UGT1A9: variants seen among roughly 807,000 people sequenced by gnomAD.
UGT1A9 encodes the protein UDP-glucuronosyltransferase 1A9.
A neutral mutation model predicts 45.0 loss-of-function variants in UGT1A9; 35 were observed. That is an observed-to-expected ratio of 0.78 (90% CI 0.59 to 1.03). The LOEUF (loss-of-function observed/expected upper bound fraction) is 1.03. UGT1A9 is among the 50% of genes least tolerant of loss of function. The pLI is 0.00. For missense variants in UGT1A9, 687 were observed against 666.6 expected, an observed-to-expected ratio of 1.03 and a Z score of -0.34; for synonymous variants, 278 against 250.6, an observed-to-expected ratio of 1.11 and a Z score of -1.03.
Position 233,763,798 on chromosome 2 carries a change from A to G in UGT1A9, c.856-3236A>G, listed in dbSNP as rs551390932. ...GAACAACATTGGGAGAAAAGGAATG[A>G]AACTCAAGAATTCCAAGATGTTCCT... On this transcript the variant is annotated intron_variant, in intron 1 of 4. Coordinates refer to ENST00000354728, the MANE Select transcript of UGT1A9 (RefSeq NM_021027.3). Among the ~76,000 whole-genome samples, 8 of 152,368 alleles carry G rather than the reference A, an allele frequency of 5.3e-5. No individual in the cohort carries two copies. The South Asian group carries it at 1.0e-3, about 20-fold the overall frequency.
chr2:233,758,735 C>T (rs1420217475), intron 1 of UGT1A9, among the ~76,000 whole-genome samples: 1 of 152,162 alleles, frequency 6.6e-6, no homozygotes, highest in Admixed American at 6.5e-5. Context: ...AGCACATCCC[C>T]AAGTATGGCT....
At position 233,719,232 on chromosome 2, in the gene UGT1A9, A is replaced by G. The variant is rs1490347566; in HGVS notation, c.855+46443A>G. 6 of 1,614,104 alleles carry G rather than the reference A, an allele frequency of 3.7e-6. No individual in the cohort carries two copies. In the African/African-American group the frequency reaches 8.0e-5, roughly 22 times the overall value. On this transcript the variant is annotated intron_variant, in intron 1 of 4. Coordinates refer to ENST00000354728, the MANE Select transcript of UGT1A9 (RefSeq NM_021027.3). The stretch of plus-strand genomic sequence containing the variant: ...GGAGCTACTGCATAATGAGGCCCTG[A>G]TCAGGCACCTGAATGCTACTTCCTT...
At chr2:233,738,159 T>C (rs1033238809) in intron 1 of UGT1A9, among the ~76,000 whole-genome samples, 2 of 152,228 alleles carry the variant, frequency 1.3e-5, no homozygotes, top group African/African-American at 4.8e-5. Context: ...GCTATTCCTC[T>C]TTCTCTCTTT....
chr2:233,754,833 T>C (rs1695605452), intron 1 of UGT1A9: 1 of 1,343,184 alleles, frequency 7.4e-7, no homozygotes, highest in African/African-American at 1.5e-5. Context: ...AGCTGGAAAT[T>C]CACTGAAGGC....
At chr2:233,753,341 CCTG>C (rs138147580) in intron 1 of UGT1A9, 5,646 of 152,328 alleles carry the variant, frequency 0.037, 136 homozygotes, top group Non-Finnish European at 0.057. Context: ...CTGCCATTTT[CCTG>C]CTGTTTATTA....
At chr2:233,749,384 C>T (rs1010265911) in intron 1 of UGT1A9, among the ~76,000 whole-genome samples, 1 of 151,836 alleles carries the variant, frequency 6.6e-6, no homozygotes, top group Non-Finnish European at 1.5e-5. Flanking sequence ...TCCAGTTTTT[C>T]AATGTGAACA....
chr2:233,699,808 C>A (rs2075525104), intron 1 of UGT1A9, among the ~76,000 whole-genome samples: 1 of 152,210 alleles, frequency 6.6e-6, no homozygotes, highest in Admixed American at 6.5e-5. Flanking sequence ...CTGGAGTCAT[C>A]TAAATAGTAG....
In UGT1A9 at chr2:233,768,259, C is replaced by T. The variant is rs72551353; in HGVS notation, c.1115C>T (p.Ser372Phe). ...MTRAFITHAGSHGVYESICNG... is the reference protein window; with the variant it reads ...MTRAFITHAGFHGVYESICNG... ...CGTGCCTTTATCACCCATGCTGGTT[C>T]CCATGGTGTTTATGAAAGCATATGC... Residue 372 changes from serine (S) to phenylalanine (F), a missense_variant, in exon 4 of 5, where the codon TCC becomes TTC. Ser to Phe is a radical substitution (Grantham distance 155). Coordinates refer to ENST00000354728, the MANE Select transcript of UGT1A9 (RefSeq NM_021027.3). The T allele has an allele frequency of 1.8e-5, 29 of 1,614,010 alleles. No homozygotes were observed. The highest frequency in any genetic ancestry group is 2.4e-5 in the Non-Finnish European group (28 of 1,180,040).
chr2:233,729,414 C>T (rs1422584359), intron 1 of UGT1A9: 3 of 1,613,716 alleles, frequency 1.9e-6, no homozygotes, highest in Non-Finnish European at 2.5e-6. Context: ...TGCTGGGCCA[C>T]ACTCAACTGT....
At chr2:233,719,108 C>T (rs2076726952) in intron 1 of UGT1A9, 1 of 1,614,264 alleles carries the variant, frequency 6.2e-7, no homozygotes, top group Non-Finnish European at 8.5e-7. Flanking sequence ...CGCTGGGCTA[C>T]ACTCAAGGGT....
chr2:233,770,134 A>T (rs1182793290), intron 4 of UGT1A9: 14 of 152,284 alleles, frequency 9.2e-5, no homozygotes, highest in African/African-American at 3.4e-4. Flanking sequence ...AAAGTCCTCT[A>T]ATACATTATT....
chr2:233,769,449 G>A lies in UGT1A9; in HGVS notation c.1295+1010G>A, dbSNP rs538754639. ...GCTGTGCTCATGTGTGGGTGCACAC[G>A]TGTGCATTCATATGCGTGTGTGTGT... On this transcript the variant is annotated intron_variant, in intron 4 of 4. Coordinates refer to ENST00000354728, the MANE Select transcript of UGT1A9 (RefSeq NM_021027.3). The surrounding 1 kb of genome is among the most constrained non-coding windows in gnomAD (Gnocchi z 4.4). The A allele has an allele frequency of 8.2e-5, 130 of 1,580,920 alleles. 1 individual carries two copies. The highest frequency in any genetic ancestry group is 7.2e-4 in the African/African-American group (54 of 74,488).
intron 1 of UGT1A9, among the ~76,000 whole-genome samples, chr2:233,684,791 C>G (rs2125530049): frequency 6.6e-6 from 1 of 152,178 alleles, no homozygotes; most frequent in South Asian, 2.1e-4. Context: ...GCAAAGAGCC[C>G]TGGATATGGC....
At chr2:233,690,707 C>A (rs2075004016) in intron 1 of UGT1A9, 1 of 1,225,352 alleles carries the variant, frequency 8.2e-7, no homozygotes, top group African/African-American at 1.6e-5. Context: ...TAGGGATCGT[C>A]ATTATGACGA....
At chr2:233,702,198 G>A (rs190961458) in intron 1 of UGT1A9, among the ~76,000 whole-genome samples, 2 of 152,258 alleles carry the variant, frequency 1.3e-5, no homozygotes, top group Non-Finnish European at 1.5e-5. Flanking sequence ...GCCCCTGGCA[G>A]CCATTAATCA....
At chr2:233,726,021 C>A (rs745583361) in intron 1 of UGT1A9, among the ~76,000 whole-genome samples, 1 of 152,022 alleles carries the variant, frequency 6.6e-6, no homozygotes, top group Non-Finnish European at 1.5e-5. Flanking sequence ...AAAAAATTAT[C>A]CAGGTGTGAT....
At chr2:233,704,223 G>A (rs2075773565) in intron 1 of UGT1A9, among the ~76,000 whole-genome samples, 1 of 133,698 alleles carries the variant, frequency 7.5e-6, no homozygotes, top group African/African-American at 2.9e-5. Flanking sequence ...TATCTCTCAT[G>A]TATTTATTTG....
chr2:233,693,316 C>A, intron 1 of UGT1A9: 1 of 1,614,156 alleles, frequency 6.2e-7, no homozygotes, highest in Admixed American at 1.7e-5. Context: ...AGCGATCATT[C>A]CTAACTGCTC....
chr2:233,769,487 TTA>T lies in UGT1A9; in HGVS notation c.1295+1050_1295+1051del. On this transcript the variant is annotated intron_variant, in intron 4 of 4. Coordinates refer to ENST00000354728, the MANE Select transcript of UGT1A9 (RefSeq NM_021027.3). This position sits in a 1 kb window ranked among gnomAD's most constrained non-coding sequence, Gnocchi z 4.4. ...TGCGTGTGTGTGTGTGTGCGTGTGT[TTA>T]TGAGAGTGTCCATTGCTTTCTCCCA... The T allele has an allele frequency of 1.2e-6, 2 of 1,612,452 alleles. No individual in the cohort carries two copies. The highest frequency in any genetic ancestry group is 1.7e-6 in the Non-Finnish European group (2 of 1,179,688).
Sources: gnomAD v4.1 joint callset for allele counts (sites outside exome capture counted in the v4.1 genomes callset) on GRCh38, gnomAD v4.1.1 for gene constraint, Gnocchi (gnomAD v3.1) non-coding constraint, MANE v1.5 for transcripts, NCBI Gene and HGNC (gene_info 2026-07-23, HGNC 2026-07-21) for gene names.